The following SCGB2B2 variants were observed in gnomAD, a reference collection of about 807,000 sequenced individuals.
SCGB2B2 encodes the protein secretoglobin-like protein.
In SCGB2B2, 11 loss-of-function variants were observed where a neutral mutation model predicts 7.6. The ratio of observed to expected loss-of-function variants is 1.45; its 90% confidence interval spans 0.91 to 2.40. The LOEUF (loss-of-function observed/expected upper bound fraction) is 2.40. SCGB2B2 is among the 30% of genes most tolerant of loss of function. The pLI is 0.00. For missense variants in SCGB2B2, 104 were observed against 115.4 expected (o/e 0.90, Z 0.45); for synonymous variants, 50 against 48.6 (o/e 1.03, Z -0.12).
chr19:34,586,819 C>A (rs1209036561), downstream of SCGB2B2, among the ~76,000 whole-genome samples: 1 of 152,204 alleles, frequency 6.6e-6, no homozygotes, highest in Non-Finnish European at 1.5e-5. Context: ...CAATTCTGAG[C>A]AGCCACTGGT....
At chr19:34,629,619 G>A (rs1326952678) in intron 1 of SCGB2B2, among the ~76,000 whole-genome samples, 1 of 151,920 alleles carries the variant, frequency 6.6e-6, no homozygotes, top group Non-Finnish European at 1.5e-5. Flanking sequence ...AAATAAAAGA[G>A]GATACAAACA....
intron 1 of SCGB2B2, among the ~76,000 whole-genome samples, chr19:34,653,166 A>G (rs1294963273): frequency 6.6e-6 from 1 of 151,242 alleles, no homozygotes; most frequent in African/African-American, 2.5e-5. Flanking sequence ...GCTCTCATAG[A>G]AGAAGAGTGT....
intron 1 of SCGB2B2, among the ~76,000 whole-genome samples, chr19:34,609,838 G>T (rs966711405): frequency 7.2e-5 from 11 of 152,170 alleles, no homozygotes; most frequent in Non-Finnish European, 1.6e-4. Context: ...TTTTAGGACT[G>T]CTTTTTCTAC....
rs2065303053 is a variant in SCGB2B2 at position 34,591,775 on chromosome 19, T to C, written c.*1780A>G. ...GGTTCTTCAGGACTCAGGGGAGATG[T>C]TGTCTCCTCAGATGCCTTCTGGGAC... On this transcript the variant is annotated 3_prime_UTR_variant, in exon 4 of 4. Transcript: ENST00000601241. Among the ~76,000 whole-genome samples, 1 of 152,216 alleles carries C rather than the reference T, an allele frequency of 6.6e-6. No homozygotes were observed. The highest frequency in any genetic ancestry group is 1.5e-5 in the Non-Finnish European group (1 of 68,044).
At chr19:34,625,133 G>A (rs1369589813) in intron 1 of SCGB2B2, among the ~76,000 whole-genome samples, 2 of 152,158 alleles carry the variant, frequency 1.3e-5, no homozygotes, top group Admixed American at 6.6e-5. Flanking sequence ...TATAAAAGAA[G>A]TGAGGTGGAG....
In SCGB2B2 at chr19:34,594,946, G is replaced by A. The variant is rs1600033581; in HGVS notation, c.-383C>T. The A allele has an allele frequency of 1.5e-5, 4 of 260,408 alleles. No homozygotes were observed. In the East Asian group the frequency reaches 2.5e-4, roughly 16 times the overall value. 16.1% of individuals were successfully genotyped at this position (260,408 alleles called of 1,614,324 possible). On this transcript the variant is annotated 5_prime_UTR_variant, in exon 2 of 4. Coordinates refer to ENST00000601241, the MANE Select transcript of SCGB2B2 (RefSeq NM_001025591.4). ...GCAAACGTGTGTCTGCACTTGGCAC[G>A]CCCTAGCACAGAATCTGCCACTGAG...
intron 1 of SCGB2B2, among the ~76,000 whole-genome samples, chr19:34,673,132 A>G (rs2067842130): frequency 6.6e-6 from 1 of 152,196 alleles, no homozygotes. Context: ...TAAACACTGC[A>G]TTATTTTAAA....
chr19:34,657,688 T>C (rs567117279), intron 1 of SCGB2B2, among the ~76,000 whole-genome samples: 3 of 152,120 alleles, frequency 2.0e-5, no homozygotes, highest in Non-Finnish European at 2.9e-5. Flanking sequence ...ATTAGATCAA[T>C]GGAGAGAAGA....
chr19:34,653,442 G>A lies in SCGB2B2; in HGVS notation c.-2032+22188C>T, dbSNP rs555708427. On this transcript the variant is annotated intron_variant, in intron 1 of 3. Coordinates refer to ENST00000601241, the MANE Select transcript of SCGB2B2 (RefSeq NM_001025591.4). Reference sequence around the variant, plus strand: ...CTGCTTTGGTCATTACACATTGTATGCATGTATTGAAATACCACTGTAACC... The same window carrying A: ...CTGCTTTGGTCATTACACATTGTATACATGTATTGAAATACCACTGTAACC... Among the ~76,000 whole-genome samples, 7 of 151,174 alleles carry A rather than the reference G, an allele frequency of 4.6e-5. 1 individual carries two copies. Among genetic ancestry groups the A allele is most frequent in the African/African-American group, 1.5e-4 (6 of 40,558 alleles).
At position 34,644,335 on chromosome 19, in the gene SCGB2B2, C is replaced by T. The variant is rs1208377436; in HGVS notation, c.-2032+31295G>A. Among the ~76,000 whole-genome samples, 4 of 149,522 alleles carry T rather than the reference C, an allele frequency of 2.7e-5. No homozygotes were observed. The Admixed American group carries it at 2.7e-4, about 10-fold the overall frequency. ...TGGTGAGTGCCACCTTGCCCAGCCC[C>T]AGCCTTGTTTTTTTGTTTTTTTTTT... is the stretch of plus-strand genomic sequence containing the variant. On this transcript the variant is annotated intron_variant, in intron 1 of 3. Transcript: ENST00000601241.
At chr19:34,651,659 T>G (rs918118223) in intron 1 of SCGB2B2, among the ~76,000 whole-genome samples, 1 of 151,312 alleles carries the variant, frequency 6.6e-6, no homozygotes, top group South Asian at 2.1e-4. Context: ...ACATATCCCA[T>G]GTTCATAATT....
intron 1 of SCGB2B2, among the ~76,000 whole-genome samples, chr19:34,619,842 A>AATT (rs2066190873): frequency 6.7e-6 from 1 of 149,312 alleles, no homozygotes; most frequent in African/African-American, 2.5e-5. Context: ...TTAAGGTGAG[A>AATT]ATTAACATAA....
intron 1 of SCGB2B2, among the ~76,000 whole-genome samples, chr19:34,627,418 G>T (rs1407297682): frequency 1.3e-5 from 2 of 151,736 alleles, no homozygotes; most frequent in South Asian, 2.1e-4. Flanking sequence ...AGGAAGATCC[G>T]CCAAGCAAAT....
rs974773677 is a variant in SCGB2B2, at chr19:34,591,177, T to C, written c.*2378A>G. 6.6e-6 allele frequency among the ~76,000 whole-genome samples: 1 copy of C among 152,210 alleles called. No homozygotes were observed. The highest frequency in any genetic ancestry group is 1.5e-5 in the Non-Finnish European group (1 of 68,036). On this transcript the variant is annotated 3_prime_UTR_variant, in exon 4 of 4. Coordinates refer to ENST00000601241, the MANE Select transcript of SCGB2B2 (RefSeq NM_001025591.4). ...CGTCCTCCTGGATAGCTAATGGATG[T>C]CTTGGATGTGGGAAACTTATCCAGG...
In SCGB2B2 at chr19:34,676,166, T is replaced by G. The variant is rs2067939415; in HGVS notation, c.-2568A>C. ...TGCTGTTTGGTCCGTTTTTACAGAGTGCTGACTGGTGCATTTACAAACCTT... is the reference window on the plus strand; with the variant it reads ...TGCTGTTTGGTCCGTTTTTACAGAGGGCTGACTGGTGCATTTACAAACCTT... On this transcript the variant is annotated 5_prime_UTR_variant, in exon 1 of 4. Coordinates refer to ENST00000601241, the MANE Select transcript of SCGB2B2 (RefSeq NM_001025591.4). The G allele has an allele frequency of 6.6e-6, 1 of 152,302 alleles. No homozygotes were observed. Among genetic ancestry groups the G allele is most frequent in the African/African-American group, 2.4e-5 (1 of 41,560 alleles). The allele number at this position is 152,302 out of a possible 1,614,324, so 9.4% of individuals were successfully genotyped here.
Position 34,593,874 on chromosome 19 carries a change from G to A in SCGB2B2, c.247-275C>T, listed in dbSNP as rs1447940454. On this transcript the variant is annotated intron_variant, in intron 3 of 3. Transcript: ENST00000601241. The stretch of plus-strand genomic sequence containing the variant: ...GCGTCCTGTGTGAGTGTGTGTTGCT[G>A]TGTACTCATCATCAGTGCTTTGGTG... Among the ~76,000 whole-genome samples the A allele has an allele frequency of 3.3e-5, 5 of 152,184 alleles. No homozygotes were observed. The South Asian group carries it at 8.3e-4, about 25-fold the overall frequency.
intron 1 of SCGB2B2, among the ~76,000 whole-genome samples, chr19:34,597,080 A>G (rs1482274537): frequency 6.6e-6 from 1 of 151,284 alleles, no homozygotes; most frequent in African/African-American, 2.4e-5. Context: ...TGGGAGGGAC[A>G]TGCTCAGTGA....
intron 1 of SCGB2B2, chr19:34,637,842 G>A (rs1007386630): frequency 1.3e-5 from 2 of 152,150 alleles, no homozygotes; most frequent in African/African-American, 4.8e-5. Flanking sequence ...ATTGACAGAT[G>A]GATTTCTCTC....
At chr19:34,621,314 T>C (rs1006816521) in intron 1 of SCGB2B2, among the ~76,000 whole-genome samples, 2 of 152,178 alleles carry the variant, frequency 1.3e-5, no homozygotes, top group African/African-American at 2.4e-5. Flanking sequence ...TAGGAAAGCA[T>C]ACAGTTTCTA....
Sources: gnomAD v4.1 joint callset for allele counts (sites outside exome capture counted in the v4.1 genomes callset) on GRCh38, gnomAD v4.1.1 for gene constraint, MANE v1.5 for transcripts, NCBI Gene and HGNC (gene_info 2026-07-23, HGNC 2026-07-21) for gene names.